Variants in RAB44 observed in about 807,000 individuals in gnomAD.
The protein encoded by RAB44 is RAB44, member RAS oncogene family, also known as ras-related protein Rab-44.
RAB44 carries 67 observed loss-of-function variants against 93.3 expected under a neutral mutation model. The observed-to-expected ratio is 0.72, with a 90% CI of 0.59 to 0.88. RAB44 has a LOEUF of 0.88. Among genes scored for constraint, RAB44 ranks in the 40% least tolerant of loss-of-function variants. The probability of loss-of-function intolerance (pLI) is 0.00; values close to 1 mark genes in which losing one functional copy is unlikely to be tolerated. For missense variants in RAB44, 1,064 were observed against 1,261.7 expected, an observed-to-expected ratio of 0.84 and a Z score of 2.37; for synonymous variants, 427 against 520.3, an observed-to-expected ratio of 0.82 and a Z score of 2.44.
chr6:36,725,425 G>A (rs1307167083), intron 9 of RAB44, among the ~76,000 whole-genome samples: 1 of 152,252 alleles, frequency 6.6e-6, no homozygotes, highest in Non-Finnish European at 1.5e-5. Flanking sequence ...GAGGCTCACA[G>A]AGGTGAAGTG....
At chr6:36,713,633 T>A (rs1762839671) in intron 2 of RAB44, among the ~76,000 whole-genome samples, 195 bp from the exon 3 acceptor site, 1 of 152,118 alleles carries the variant, frequency 6.6e-6, no homozygotes, top group Admixed American at 6.6e-5. Flanking sequence ...CTGGAGCCAG[T>A]TCAGGGCCCT....
At chr6:36,718,630 C>T (rs236486) in intron 7 of RAB44, 42 bp downstream of exon 7, 646,123 of 1,016,142 alleles carry the variant, frequency 0.64, 208,610 homozygotes, top group Non-Finnish European at 0.66. Context: ...CCGAACAGGT[C>T]TTTAATATCT....
intron 9 of RAB44, among the ~76,000 whole-genome samples, chr6:36,723,459 G>A (rs774300180): frequency 6.6e-6 from 1 of 152,098 alleles, no homozygotes; most frequent in African/African-American, 2.4e-5. Flanking sequence ...AGTGGCTCCT[G>A]CAAGAAATGG....
chr6:36,722,597 G>T lies in RAB44; in HGVS notation c.2463G>T (p.Met821Ile). The T allele has an allele frequency of 1.3e-6, 2 of 1,550,588 alleles. No homozygotes were observed. Among genetic ancestry groups the T allele is most frequent in the Non-Finnish European group, 1.7e-6 (2 of 1,146,968 alleles). ...TGACCCCATCCCCGGGAGACCCCATGGCTGGAGGGGGACCCCAGGCCAACC... is the reference window on the plus strand; with the variant it reads ...TGACCCCATCCCCGGGAGACCCCATTGCTGGAGGGGGACCCCAGGCCAACC... ...AGLTPSPGDPMAGGGPQANPD... is the reference protein window; with the variant it reads ...AGLTPSPGDPIAGGGPQANPD... The change falls in exon 9 of 14, where the codon ATG (methionine) becomes ATT (isoleucine). Residue 821 changes from methionine to isoleucine, a missense_variant. By Grantham distance (10) the Met-to-Ile change is conservative. Transcript: ENST00000612677.
chr6:36,720,262 T>A (rs1763038324), intron 7 of RAB44, 101 bp from the exon 8 acceptor site: 1 of 1,039,564 alleles, frequency 9.6e-7, no homozygotes, highest in Non-Finnish European at 1.2e-6. Context: ...TCCAGGAGCC[T>A]GGACAGGGGG....
At chr6:36,713,044 C>T (rs991012397) in intron 2 of RAB44, among the ~76,000 whole-genome samples, 13 of 152,222 alleles carry the variant, frequency 8.5e-5, no homozygotes, top group African/African-American at 2.7e-4. Context: ...TGTGCAGCCA[C>T]GCAGGCTGCT....
chr6:36,705,205 T>G (rs974294793), intron 2 of RAB44, among the ~76,000 whole-genome samples: 17 of 152,106 alleles, frequency 1.1e-4, no homozygotes, highest in African/African-American at 3.9e-4. Flanking sequence ...CAGAAAACTA[T>G]TAGGATAAAA....
rs1763107098 is a variant in RAB44, at chr6:36,722,226, G to A, written c.2092G>A (p.Val698Ile). 1.6e-6 allele frequency: 2 copies of A among 1,264,844 alleles called. No individual in the cohort carries two copies. Among genetic ancestry groups the A allele is most frequent in the East Asian group, 6.0e-5 (2 of 33,182 alleles). The allele number at this position is 1,264,844 out of a possible 1,614,324, so 78.4% of individuals were successfully genotyped here. A position where few individuals can be genotyped will look rare whatever the true frequency, so the allele number is the denominator to read the frequency against. Residue 698 changes from valine to isoleucine, a missense_variant, in exon 9 of 14, where the codon GTT becomes ATT. Val to Ile is a conservative substitution (Grantham distance 29). Transcript: ENST00000612677. Reference sequence around the variant, plus strand: ...CAGTTCAGAGCAGTCAGAGCAGTCGGTTGAGGCTCACGGCCTAGAAACTGC... The same window carrying A: ...CAGTTCAGAGCAGTCAGAGCAGTCGATTGAGGCTCACGGCCTAGAAACTGC... Reference protein sequence around the residue: ...DLSSEQSEQSVEAHGLETAHS... With the variant: ...DLSSEQSEQSIEAHGLETAHS...
Position 36,725,940 on chromosome 6 carries a change from A to G in RAB44, c.2678A>G (p.Glu893Gly), listed in dbSNP as rs1439562181. ...CAGCTCTGGGACACAGCTGGCCAAG[A>G]GAGGTAACAGGCACTGTATATCAGT... is the stretch of plus-strand genomic sequence containing the variant. ...VLQLWDTAGQ[E>G]RYHSMTRQLL... The change falls in exon 10 of 14, where the codon GAG (glutamate) becomes GGG (glycine). Residue 893 changes from glutamate to glycine, a missense_variant. Coordinates refer to ENST00000612677, the MANE Select transcript of RAB44 (RefSeq NM_001257357.2). 14 of 1,550,310 alleles carry G rather than the reference A, an allele frequency of 9.0e-6. No homozygotes were observed. The highest frequency in any genetic ancestry group is 2.0e-5 in the Admixed American group (1 of 50,982).
Position 36,728,811 on chromosome 6 carries a change from TG to T in RAB44, c.2898+13del. 6.5e-7 allele frequency: 1 copy of T among 1,547,706 alleles called. No homozygotes were observed. Among genetic ancestry groups the T allele is most frequent in the Non-Finnish European group, 8.7e-7 (1 of 1,144,414 alleles). ...GCAGCAACTGGCCCAGGTAAGCACTTGGGCATCAGCCCGTCTCTGTGCGTGG... is the reference window on the plus strand; with the variant it reads ...GCAGCAACTGGCCCAGGTAAGCACTTGGCATCAGCCCGTCTCTGTGCGTGG... On this transcript the variant is annotated intron_variant, in intron 12 of 13. Transcript: ENST00000612677.
rs1763362840 is a variant in RAB44 at position 36,731,481 on chromosome 6, C to A, written c.2976-522C>A. 6.6e-6 allele frequency among the ~76,000 whole-genome samples: 1 copy of A among 152,248 alleles called. No individual in the cohort carries two copies. Among genetic ancestry groups the A allele is most frequent in the Non-Finnish European group, 1.5e-5 (1 of 68,042 alleles). On this transcript the variant is annotated intron_variant, in intron 13 of 13. Coordinates refer to ENST00000612677, the MANE Select transcript of RAB44 (RefSeq NM_001257357.2). This position sits in a 1 kb window ranked among gnomAD's most constrained non-coding sequence, Gnocchi z 4.0. Reference sequence around the variant, plus strand: ...GGGAGCTAGATCAGATGAGCACCATCTGGCACACAGTAAATATATCACGAA... The same window carrying A: ...GGGAGCTAGATCAGATGAGCACCATATGGCACACAGTAAATATATCACGAA...
chr6:36,714,682 G>A (rs1234199931), intron 3 of RAB44, among the ~76,000 whole-genome samples: 1 of 152,236 alleles, frequency 6.6e-6, no homozygotes, highest in Non-Finnish European at 1.5e-5. Context: ...ACTGCCGGTG[G>A]GGCGCAGAGG....
chr6:36,719,812 C>T (rs1169868894), intron 7 of RAB44, among the ~76,000 whole-genome samples: 1 of 152,108 alleles, frequency 6.6e-6, no homozygotes, highest in Non-Finnish European at 1.5e-5. Context: ...TGTGGAAGTT[C>T]ACAGAACAGT....
At chr6:36,730,374 T>C (rs1763331889) in intron 12 of RAB44, among the ~76,000 whole-genome samples, 8 of 152,202 alleles carry the variant, frequency 5.3e-5, no homozygotes, top group Admixed American at 5.2e-4. Flanking sequence ...ATTTATAAAA[T>C]GTCTCCAGGG....
chr6:36,702,461 T>C (rs373448006), intron 1 of RAB44, among the ~76,000 whole-genome samples: 3 of 152,266 alleles, frequency 2.0e-5, no homozygotes, highest in Non-Finnish European at 4.4e-5. Context: ...AATGACCCCC[T>C]GGAATGAGCC....
intron 12 of RAB44, 52 bp downstream of exon 12, chr6:36,728,853 C>G: frequency 7.0e-7 from 1 of 1,424,512 alleles, no homozygotes; most frequent in South Asian, 1.2e-5. Context: ...GCAGACACCT[C>G]CCTGGCAGGT....
At chr6:36,722,849 C>T in intron 9 of RAB44, 116 bp downstream of exon 9, 2 of 1,193,034 alleles carry the variant, frequency 1.7e-6, no homozygotes, top group South Asian at 3.0e-5. Flanking sequence ...TCTGCCCTGG[C>T]CACGGGCCCT....
chr6:36,709,581 G>A (rs909313966), intron 2 of RAB44, among the ~76,000 whole-genome samples: 2 of 152,194 alleles, frequency 1.3e-5, no homozygotes, highest in South Asian at 2.1e-4. Flanking sequence ...TTTGAGACAG[G>A]GTCTTGCTCT....
intron 10 of RAB44, among the ~76,000 whole-genome samples, chr6:36,726,930 A>G (rs186043427): frequency 7.8e-4 from 117 of 150,686 alleles, no homozygotes; most frequent in African/African-American, 2.7e-3. Flanking sequence ...CCTCCTGAGG[A>G]GCTGGGACTA....
Sources: allele counts gnomAD v4.1 joint callset (sites outside exome capture counted in the v4.1 genomes callset), GRCh38; gene constraint gnomAD v4.1.1; non-coding constraint Gnocchi (gnomAD v3.1); transcripts MANE v1.5; gene names NCBI Gene and HGNC (gene_info 2026-07-23, HGNC 2026-07-21).